CTSB: variants seen among roughly 807,000 people sequenced by gnomAD.
CTSB encodes the protein APP secretase.
A neutral mutation model predicts 44.3 loss-of-function variants in CTSB; 57 were observed. The ratio of observed to expected loss-of-function variants is 1.29; its 90% CI spans 1.04 to 1.60. The LOEUF (loss-of-function observed/expected upper bound fraction) is 1.60. Ranked by LOEUF, CTSB falls within the 40% of genes most tolerant of loss-of-function variation. CTSB has a pLI of 0.00. For synonymous variants in CTSB, 320 were observed against 168.0 expected (o/e 1.91, Z -7.00); for missense variants, 768 against 443.0 (o/e 1.73, Z -6.59).
chr8:11,848,361 G>A (rs1736089), intron 5 of CTSB: 131,533 of 673,782 alleles, frequency 0.2, 15,515 homozygotes, highest in Non-Finnish European at 0.25. Flanking sequence ...CCCCACCCCT[G>A]CCCACAAAGA....
chr8:11,867,022 G>C (rs1321620639), intron 1 of CTSB, among the ~76,000 whole-genome samples: 1 of 152,178 alleles, frequency 6.6e-6, no homozygotes, highest in African/African-American at 2.4e-5. Context: ...AGTGGGTTTG[G>C]GGGGTCTCTC....
At chr8:11,850,386 T>A (rs1309407484) in intron 4 of CTSB, among the ~76,000 whole-genome samples, 4 of 118,376 alleles carry the variant, frequency 3.4e-5, no homozygotes, top group Non-Finnish European at 6.4e-5. Context: ...ACCACTGCAC[T>A]CCAGCCTGGG....
intron 1 of CTSB, among the ~76,000 whole-genome samples, chr8:11,867,021 G>T (rs976344105): frequency 2.8e-5 from 4 of 140,708 alleles, no homozygotes; most frequent in African/African-American, 1.1e-4. Flanking sequence ...CAGTGGGTTT[G>T]GGGGGTCTCT....
chr8:11,847,191 G>T (rs1217106331), intron 7 of CTSB, 23 bp from the exon 8 acceptor site: 6 of 1,499,792 alleles, frequency 4.0e-6, no homozygotes, highest in Non-Finnish European at 5.6e-6. Context: ...CCGAGCTCGG[G>T]GTTGGGGAGG....
intron 1 of CTSB, chr8:11,865,587 CA>C (rs796558910): frequency 0.011 from 1,434 of 134,626 alleles, 20 homozygotes; most frequent in South Asian, 0.072. Context: ...GACTCCACCT[CA>C]AAAAAAAAAA....
rs369416948 is a variant in CTSB, at chr8:11,845,124, A to C, written c.*1T>G. The C allele has an allele frequency of 1.2e-6, 2 of 1,609,214 alleles. No individual in the cohort carries two copies. Among genetic ancestry groups the C allele is most frequent in the South Asian group, 2.2e-5 (2 of 90,978 alleles). ...GACTGGCACGACAGGCCCACGGCAG[A>C]TTAGATCTTTTCCCAGTACTGATCG... On this transcript the variant is annotated 3_prime_UTR_variant, in exon 10 of 10. Coordinates refer to ENST00000353047, the MANE Select transcript of CTSB (RefSeq NM_001908.5).
intron 1 of CTSB, chr8:11,864,268 C>T (rs1374372093): frequency 3.0e-5 from 4 of 132,740 alleles, no homozygotes; most frequent in Non-Finnish European, 4.6e-5. Context: ...CACTTGAAAC[C>T]AGGAGTTTCA....
rs754216619 is a variant in CTSB at position 11,845,650 on chromosome 8, C to T, written c.922+11G>A. ...TTCACTGTTCTTGGCAGGAAGGGGG[C>T]AGCCACTCACCATTGTCACCCCAGT... On this transcript the variant is annotated intron_variant, in intron 9 of 9. Transcript: ENST00000353047. 7.4e-6 allele frequency: 12 copies of T among 1,610,882 alleles called. No homozygotes were observed. Among genetic ancestry groups the T allele is most frequent in the East Asian group, 6.7e-5 (3 of 44,794 alleles).
At chr8:11,863,104 G>C (rs948956985) in intron 1 of CTSB, among the ~76,000 whole-genome samples, 9 of 152,120 alleles carry the variant, frequency 5.9e-5, no homozygotes, top group African/African-American at 2.2e-4. Flanking sequence ...ACTGAACCCA[G>C]GAGATTAAGA....
intron 1 of CTSB, among the ~76,000 whole-genome samples, chr8:11,858,332 T>C (rs1019181193): frequency 1.3e-5 from 2 of 152,226 alleles, no homozygotes; most frequent in Non-Finnish European, 2.9e-5. Context: ...TCTCACTCTG[T>C]TGCCCAGGCT....
chr8:11,858,239 T>G (rs1815843725), intron 1 of CTSB, among the ~76,000 whole-genome samples: 1 of 152,236 alleles, frequency 6.6e-6, no homozygotes, highest in Admixed American at 6.5e-5. Context: ...CAGTTCACAC[T>G]AAACCTATTC....
In CTSB at chr8:11,844,917, G is replaced by A; in HGVS notation, c.*208C>T. On this transcript the variant is annotated 3_prime_UTR_variant, in exon 10 of 10. Transcript: ENST00000353047. ...ACAGGGGGAAGGACGCTCTGTGCTG[G>A]CAGCGGTGGCTCACATGGCCTGTCT... 3 of 577,708 alleles carry A rather than the reference G, an allele frequency of 5.2e-6. No homozygotes were observed. The highest frequency in any genetic ancestry group is 2.1e-5 in the South Asian group (1 of 47,468). The allele number at this position is 577,708 out of a possible 1,614,324, so 35.8% of individuals were successfully genotyped here. A position where few individuals can be genotyped will look rare whatever the true frequency, so the allele number is the denominator to read the frequency against.
chr8:11,855,940 C>T (rs1313174936), intron 1 of CTSB, among the ~76,000 whole-genome samples: 1 of 152,008 alleles, frequency 6.6e-6, no homozygotes, highest in African/African-American at 2.4e-5. Context: ...ATTGCTTCAA[C>T]TCACTTGAAC....
rs938861638 is a variant in CTSB, at chr8:11,848,711, A to T, written c.446+335T>A. ...GTGGAGCCATCCCCGCTAACTACACATAAGGAAATGCCCCAAACTGGTTCC... is the reference window on the plus strand; with the variant it reads ...GTGGAGCCATCCCCGCTAACTACACTTAAGGAAATGCCCCAAACTGGTTCC... On this transcript the variant is annotated intron_variant, in intron 5 of 9. Transcript: ENST00000353047. 15 of 311,606 alleles carry T rather than the reference A, an allele frequency of 4.8e-5. No individual in the cohort carries two copies. The Admixed American group carries it at 5.9e-4, about 12-fold the overall frequency. The allele number at this position is 311,606 out of a possible 1,614,324, so 19.3% of individuals were successfully genotyped here. A position where few individuals can be genotyped will look rare whatever the true frequency, so the allele number is the denominator to read the frequency against.
intron 5 of CTSB, chr8:11,848,755 C>G (rs1049204415): frequency 3.0e-6 from 1 of 330,988 alleles, no homozygotes; most frequent in South Asian, 3.1e-5. Context: ...GAAAAAGGAA[C>G]ATGCGATGAC....
At chr8:11,866,285 C>T (rs969224996) in intron 1 of CTSB, among the ~76,000 whole-genome samples, 5 of 152,190 alleles carry the variant, frequency 3.3e-5, no homozygotes, top group African/African-American at 1.2e-4. Context: ...CAACCTGGAA[C>T]CAAAGGGCCA....
chr8:11,851,456 C>G (rs1335630667), intron 3 of CTSB, among the ~76,000 whole-genome samples: 1 of 152,206 alleles, frequency 6.6e-6, no homozygotes, highest in African/African-American at 2.4e-5. Context: ...TCCCAAAGTG[C>G]TGGGATTACA....
Position 11,853,379 on chromosome 8 carries a change from G to A in CTSB, c.76C>T (p.Leu26=), listed in dbSNP as rs12338. Residue 26 remains leucine (L), a synonymous_variant, in exon 2 of 10, where the codon CTG becomes TTG. Transcript: ENST00000353047. Reference sequence around the variant, plus strand: ...ACATAGTTGACCAGCTCATCCGACAGGGGATGGAAAGAGGGCCTGCTCCGG... The same window carrying A: ...ACATAGTTGACCAGCTCATCCGACAAGGGATGGAAAGAGGGCCTGCTCCGG... The part of the protein sequence containing the change: ...NARSRPSFHP[L]SDELVNYVNK... 14 of 1,611,848 alleles carry A rather than the reference G, an allele frequency of 8.7e-6. No homozygotes were observed. The highest frequency in any genetic ancestry group is 1.3e-5 in the African/African-American group (1 of 74,238).
intron 6 of CTSB, 116 bp downstream of exon 6, chr8:11,847,951 C>T (rs928459841): frequency 1.0e-4 from 134 of 1,321,532 alleles, no homozygotes; most frequent in Middle Eastern, 4.8e-4. Flanking sequence ...ACCTGGCTAG[C>T]ACCTCTCAGC....
Sources: allele counts gnomAD v4.1 joint callset (sites outside exome capture counted in the v4.1 genomes callset), GRCh38; gene constraint gnomAD v4.1.1; transcripts MANE v1.5; gene names NCBI Gene and HGNC (gene_info 2026-07-23, HGNC 2026-07-21).